Variants in CEACAM7 observed in about 807,000 individuals in gnomAD.
The protein encoded by CEACAM7 is CEA cell adhesion molecule 7, also known as cell adhesion molecule CEACAM7.
Under a neutral mutation model 25.7 loss-of-function variants are expected in CEACAM7, and 24 were observed. That is an observed-to-expected ratio of 0.93 (90% CI 0.68 to 1.31). The LOEUF is 1.31. CEACAM7 is among the 40% of genes most tolerant of loss of function. CEACAM7 has a pLI of 0.00. For missense variants in CEACAM7, 324 were observed against 330.1 expected, an observed-to-expected ratio of 0.98 and a Z score of 0.14; for synonymous variants, 144 against 129.4, an observed-to-expected ratio of 1.11 and a Z score of -0.77.
At chr19:41,685,192 C>T (rs2072214834) in intron 2 of CEACAM7, among the ~76,000 whole-genome samples, 3 of 152,206 alleles carry the variant, frequency 2.0e-5, no homozygotes, top group African/African-American at 7.2e-5. Flanking sequence ...GGGGACTGCA[C>T]ACCTGTCCTG....
chr19:41,683,846 T>G lies in CEACAM7; in HGVS notation c.645A>C (p.Glu215Asp). Reference sequence around the variant, plus strand: ...CACCCACTGGGTTCTGTATTTCACATTCATAGGGTCCTATGTCATTCTTTG... The same window carrying G: ...CACCCACTGGGTTCTGTATTTCACAGTCATAGGGTCCTATGTCATTCTTTG... Reference protein sequence around the residue: ...SATKNDIGPYECEIQNPVGAS... With the variant: ...SATKNDIGPYDCEIQNPVGAS... The change falls in exon 3 of 5, where the codon GAA becomes GAC. Residue 215 changes from glutamate to aspartate, a missense_variant. By Grantham distance (45) the Glu-to-Asp change is conservative (BLOSUM62 2). Transcript: ENST00000401731. 6.2e-7 allele frequency: 1 copy of G among 1,614,216 alleles called. No individual in the cohort carries two copies.
intron 3 of CEACAM7, among the ~76,000 whole-genome samples, chr19:41,678,315 A>G (rs1387184503): frequency 8.8e-5 from 3 of 34,098 alleles, no homozygotes; most frequent in African/African-American, 2.2e-4. Context: ...TCTCCCATGT[A>G]TATGTATATG....
chr19:41,685,307 G>GCTT (rs1392071884), intron 2 of CEACAM7, among the ~76,000 whole-genome samples: 1 of 152,110 alleles, frequency 6.6e-6, no homozygotes, highest in Non-Finnish European at 1.5e-5. Flanking sequence ...CACCTGGGTG[G>GCTT]CTTCTTTTTT....
intron 3 of CEACAM7, among the ~76,000 whole-genome samples, chr19:41,678,459 A>C (rs1389586230): frequency 6.6e-6 from 1 of 152,088 alleles, no homozygotes; most frequent in African/African-American, 2.4e-5. Flanking sequence ...ATTTGGGCTT[A>C]ATTTCTCATC....
At chr19:41,679,781 G>A (rs2072153183) in intron 3 of CEACAM7, among the ~76,000 whole-genome samples, 1 of 137,876 alleles carries the variant, frequency 7.3e-6, no homozygotes, top group Non-Finnish European at 1.6e-5. Flanking sequence ...TTTTTTCTCT[G>A]TCTCTTTCTC....
chr19:41,687,819 T>A (rs1042011413), intron 1 of CEACAM7, among the ~76,000 whole-genome samples: 1 of 152,178 alleles, frequency 6.6e-6, no homozygotes, highest in Non-Finnish European at 1.5e-5. Flanking sequence ...GTTATGTTTT[T>A]ATTTGAAGCG....
intron 3 of CEACAM7, among the ~76,000 whole-genome samples, chr19:41,679,871 G>A (rs1380242919): frequency 7.3e-6 from 1 of 137,114 alleles, no homozygotes; most frequent in Non-Finnish European, 1.5e-5. Flanking sequence ...GCATGATCTC[G>A]GCTCACTGCA....
chr19:41,682,467 T>A (rs1555810776), intron 3 of CEACAM7, among the ~76,000 whole-genome samples: 1 of 152,198 alleles, frequency 6.6e-6, no homozygotes, highest in Non-Finnish European at 1.5e-5. Context: ...AGCGGGTGAC[T>A]TCAGAGCCAG....
At chr19:41,682,773 C>G (rs970677722) in intron 3 of CEACAM7, among the ~76,000 whole-genome samples, 1 of 152,206 alleles carries the variant, frequency 6.6e-6, no homozygotes, top group Admixed American at 6.5e-5. Flanking sequence ...TTCCTTCTTC[C>G]TTGTAGCTCA....
chr19:41,679,710 AACTG>A (rs1436085513), intron 3 of CEACAM7, among the ~76,000 whole-genome samples: 2 of 152,124 alleles, frequency 1.3e-5, no homozygotes, highest in Non-Finnish European at 2.9e-5. Context: ...GATTCAGTAT[AACTG>A]CAAGATACTA....
chr19:41,677,049 C>G (rs2072120762), intron 4 of CEACAM7, among the ~76,000 whole-genome samples: 2 of 152,120 alleles, frequency 1.3e-5, no homozygotes, highest in South Asian at 4.1e-4. Flanking sequence ...AGCAGGACTT[C>G]AAGCAGTTGT....
intron 4 of CEACAM7, among the ~76,000 whole-genome samples, chr19:41,675,482 G>A (rs1349342044): frequency 6.6e-6 from 1 of 152,136 alleles, no homozygotes; most frequent in Admixed American, 6.5e-5. Flanking sequence ...TGTTCTGCCT[G>A]ATCTTGATTG....
At position 41,677,294 on chromosome 19, in the gene CEACAM7, G is replaced by A. The variant is rs935588366; in HGVS notation, c.*36+82C>T. The A allele has an allele frequency of 2.7e-5, 19 of 713,208 alleles. No homozygotes were observed. In the East Asian group the frequency reaches 4.9e-4, roughly 18 times the overall value. 44.2% of individuals were successfully genotyped at this position (713,208 alleles called of 1,614,324 possible). On this transcript the variant is annotated intron_variant, in intron 4 of 4. Coordinates refer to ENST00000401731, the MANE Select transcript of CEACAM7 (RefSeq NM_001291485.2). Reference sequence around the variant, plus strand: ...AGGAGGAGATCTAGTCCCAGATACAGGTGAAGAAGTCCTTTCCCTCTCCCA... The same window carrying A: ...AGGAGGAGATCTAGTCCCAGATACAAGTGAAGAAGTCCTTTCCCTCTCCCA...
intron 3 of CEACAM7, among the ~76,000 whole-genome samples, chr19:41,683,504 A>G (rs916593934): frequency 6.6e-6 from 1 of 152,142 alleles, no homozygotes; most frequent in Non-Finnish European, 1.5e-5. Context: ...TGAAGTCCCA[A>G]CCAAACCCCG....
intron 4 of CEACAM7, 90 bp downstream of exon 4, chr19:41,677,286 C>A: frequency 1.5e-6 from 1 of 667,752 alleles, no homozygotes; most frequent in South Asian, 1.9e-5. Context: ...GATCTAGTCC[C>A]AGATACAGGT....
At chr19:41,683,516 T>C (rs1296298247) in intron 3 of CEACAM7, among the ~76,000 whole-genome samples, 1 of 152,200 alleles carries the variant, frequency 6.6e-6, no homozygotes, top group East Asian at 1.9e-4. Context: ...CAAACCCCGA[T>C]GTGTTCACTG....
At chr19:41,684,480 T>A (rs1217937644) in intron 2 of CEACAM7, among the ~76,000 whole-genome samples, 1 of 152,216 alleles carries the variant, frequency 6.6e-6, no homozygotes, top group African/African-American at 2.4e-5. Context: ...TGAGCCTTTT[T>A]TTTCCAAGGA....
At chr19:41,684,698 T>C (rs2072209953) in intron 2 of CEACAM7, among the ~76,000 whole-genome samples, 1 of 151,664 alleles carries the variant, frequency 6.6e-6, no homozygotes, top group South Asian at 2.1e-4. Flanking sequence ...AAAGGGTGAG[T>C]GAGACAAGCA....
At chr19:41,679,110 C>T (rs368385975) in intron 3 of CEACAM7, among the ~76,000 whole-genome samples, 1 of 151,920 alleles carries the variant, frequency 6.6e-6, no homozygotes, top group Admixed American at 6.6e-5. Context: ...AATTCAAAAC[C>T]TTTAATTAGA....
Sources: gnomAD v4.1 joint callset for allele counts (sites outside exome capture counted in the v4.1 genomes callset) on GRCh38, gnomAD v4.1.1 for gene constraint, MANE v1.5 for transcripts, NCBI Gene and HGNC (gene_info 2026-07-23, HGNC 2026-07-21) for gene names.